PARD3B: variants seen among roughly 807,000 people sequenced by gnomAD.
The protein encoded by PARD3B is partitioning defective 3 homolog B.
A neutral mutation model predicts 130.2 loss-of-function variants in PARD3B; 103 were observed. The observed-to-expected ratio is 0.79, with a 90% CI of 0.67 to 0.93. The LOEUF (loss-of-function observed/expected upper bound fraction) is 0.93. Among genes scored for constraint, PARD3B ranks in the 40% least tolerant of loss-of-function variants. The probability of loss-of-function intolerance (pLI) is 0.00; values close to 1 mark genes in which losing one functional copy is unlikely to be tolerated. For synonymous variants in PARD3B, 583 were observed against 553.2 expected (o/e 1.05, Z -0.76); for missense variants, 1,609 against 1,499.2 (o/e 1.07, Z -1.21).
intron 10 of PARD3B, among the ~76,000 whole-genome samples, chr2:205,127,081 C>T (rs908734481): frequency 2.0e-5 from 3 of 151,646 alleles, no homozygotes; most frequent in Non-Finnish European, 2.9e-5. Context: ...AGGTGGATCA[C>T]CTGAGGTCAG....
chr2:205,363,115 T>C (rs1204996550), intron 18 of PARD3B, among the ~76,000 whole-genome samples: 1 of 152,238 alleles, frequency 6.6e-6, no homozygotes, highest in East Asian at 1.9e-4. Context: ...TAAAATGCTG[T>C]GTTCTCTTCG....
chr2:205,412,932 A>G (rs991669450), intron 19 of PARD3B, among the ~76,000 whole-genome samples: 1 of 152,224 alleles, frequency 6.6e-6, no homozygotes, highest in African/African-American at 2.4e-5. Context: ...GGTATATAAC[A>G]TCATAGGAAT....
chr2:205,446,046 C>T lies in PARD3B; in HGVS notation c.3044+5374C>T, dbSNP rs115162054. On this transcript the variant is annotated intron_variant, in intron 20 of 22. Coordinates refer to ENST00000406610, the MANE Select transcript of PARD3B (RefSeq NM_001302769.2). This position sits in a 1 kb window ranked among gnomAD's most constrained non-coding sequence, Gnocchi z 4.4. ...GAGAACACAGTGTGGAAAGTGCAGC[C>T]GAAGAGTAAGTGCAGGGTACTGTTT... is the stretch of plus-strand genomic sequence containing the variant. Among the ~76,000 whole-genome samples the T allele has an allele frequency of 8.9e-4, 135 of 152,024 alleles. 1 individual carries two copies. The Middle Eastern group carries it at 0.014, about 15-fold the overall frequency.
intron 1 of PARD3B, among the ~76,000 whole-genome samples, chr2:204,680,615 T>A (rs1345973362): frequency 6.6e-6 from 1 of 151,934 alleles, no homozygotes; most frequent in Non-Finnish European, 1.5e-5. Context: ...TTTTGATCAA[T>A]TTTTTTTACT....
At chr2:205,235,355 G>A (rs1380451241) in intron 15 of PARD3B, among the ~76,000 whole-genome samples, 2 of 152,134 alleles carry the variant, frequency 1.3e-5, no homozygotes, top group Non-Finnish European at 2.9e-5. Flanking sequence ...CTGGGAAGTC[G>A]ACGCTGCAGT....
intron 2 of PARD3B, among the ~76,000 whole-genome samples, chr2:204,895,360 A>T (rs2046603688): frequency 6.6e-6 from 1 of 152,118 alleles, no homozygotes; most frequent in Non-Finnish European, 1.5e-5. Flanking sequence ...ACCATGAAAT[A>T]TCTATAACTT....
chr2:205,129,511 G>C (rs1053233180), intron 10 of PARD3B, among the ~76,000 whole-genome samples: 2 of 152,172 alleles, frequency 1.3e-5, no homozygotes, highest in African/African-American at 4.8e-5. Flanking sequence ...TATCATGATT[G>C]ATGTACACAC....
At chr2:204,577,453 C>G (rs1182672225) in intron 1 of PARD3B, among the ~76,000 whole-genome samples, 3 of 152,236 alleles carry the variant, frequency 2.0e-5, no homozygotes, top group African/African-American at 7.2e-5. Flanking sequence ...CCCAGCCTGT[C>G]TGGCTCATGT....
In PARD3B at chr2:205,121,890, C is replaced by T. The variant is rs757557593; in HGVS notation, c.1106C>T (p.Pro369Leu). 4 of 1,613,962 alleles carry T rather than the reference C, an allele frequency of 2.5e-6. No homozygotes were observed. The highest frequency in any genetic ancestry group is 3.3e-5 in the Admixed American group (2 of 60,002). Residue 369 changes from proline (P) to leucine (L), a missense_variant, in exon 8 of 23, where the codon CCT (proline) becomes CTT (leucine). Physicochemically the swap from Pro to Leu is moderately conservative, Grantham distance 98. Coordinates refer to ENST00000406610, the MANE Select transcript of PARD3B (RefSeq NM_001302769.2). This position sits in a 1 kb window ranked among gnomAD's most constrained non-coding sequence, Gnocchi z 5.0. ...AAACCATCCTCTCCCTCACTCTCGC[C>T]TCTCATGGGATTTGGCAGCAATAAA... ...GGKPSSPSLS[P>L]LMGFGSNKNA...
chr2:205,184,123 C>T (rs1027772674), intron 13 of PARD3B, among the ~76,000 whole-genome samples: 8 of 152,132 alleles, frequency 5.3e-5, no homozygotes, highest in African/African-American at 1.7e-4. Context: ...TTAGAGGGGA[C>T]AGTCTACTTA....
At chr2:205,129,319 G>A (rs2031767619) in intron 10 of PARD3B, among the ~76,000 whole-genome samples, 1 of 152,210 alleles carries the variant, frequency 6.6e-6, no homozygotes, top group South Asian at 2.1e-4. Flanking sequence ...CAAGAACCTT[G>A]CAGGAAGTTT....
At chr2:204,900,207 A>G (rs947631179) in intron 2 of PARD3B, among the ~76,000 whole-genome samples, 20 of 152,118 alleles carry the variant, frequency 1.3e-4, no homozygotes, top group African/African-American at 3.6e-4. Context: ...TTCTATCCCT[A>G]TCTCTCTCTT....
chr2:205,234,852 G>A (rs1277031135), intron 15 of PARD3B, among the ~76,000 whole-genome samples: 1 of 151,916 alleles, frequency 6.6e-6, no homozygotes, highest in Non-Finnish European at 1.5e-5. Context: ...TGTCAGCATA[G>A]TAAAATTAAA....
chr2:205,066,578 C>T (rs939292183), intron 4 of PARD3B, among the ~76,000 whole-genome samples: 2 of 152,000 alleles, frequency 1.3e-5, no homozygotes, highest in Non-Finnish European at 1.5e-5. Flanking sequence ...ACTTAACTTA[C>T]CAGGGACAGT....
intron 19 of PARD3B, among the ~76,000 whole-genome samples, chr2:205,429,794 G>C (rs78449840): frequency 0.044 from 6,637 of 152,218 alleles, 154 homozygotes; most frequent in Middle Eastern, 0.061. Flanking sequence ...TTCTCTTACT[G>C]TTCTGGAGAC....
At position 205,302,065 on chromosome 2, in the gene PARD3B, C is replaced by CTTTTTTTTTTTTTTTTTTTTTTTT. The variant is rs3048088; in HGVS notation, c.2630+387_2630+388insTTTTTTTTTTTTTTTTTTTTTTTT. Among the ~76,000 whole-genome samples, 27 of 77,778 alleles carry CTTTTTTTTTTTTTTTTTTTTTTTT rather than the reference C, an allele frequency of 3.5e-4. 3 individuals are homozygous for CTTTTTTTTTTTTTTTTTTTTTTTT. Among genetic ancestry groups the CTTTTTTTTTTTTTTTTTTTTTTTT allele is most frequent in the South Asian group, 1.8e-3 (3 of 1,650 alleles). 51.0% of individuals were successfully genotyped at this position (77,778 alleles called of 152,430 possible). A position where few individuals can be genotyped will look rare whatever the true frequency, so the allele number is the denominator to read the frequency against. On this transcript the variant is annotated intron_variant, in intron 18 of 22. Coordinates refer to ENST00000406610, the MANE Select transcript of PARD3B (RefSeq NM_001302769.2). ...CTATTCTTTTTTTCTTTTTTCTTTT[C>CTTTTTTTTTTTTTTTTTTTTTTTT]TTTTTTTTTTTTTTTTTTTTTTTGA... is the stretch of plus-strand genomic sequence containing the variant.
intron 1 of PARD3B, among the ~76,000 whole-genome samples, chr2:204,685,206 T>G (rs901646578): frequency 3.9e-5 from 6 of 152,198 alleles, no homozygotes; most frequent in Non-Finnish European, 8.8e-5. Flanking sequence ...TCCATCTTTC[T>G]TTTTTAACAA....
intron 4 of PARD3B, among the ~76,000 whole-genome samples, chr2:205,074,970 T>A (rs1700950878): frequency 6.6e-6 from 1 of 152,258 alleles, no homozygotes; most frequent in Non-Finnish European, 1.5e-5. Flanking sequence ...TTAAGTGTTC[T>A]GTAGCTCACT....
chr2:204,954,552 C>G (rs1690071825), intron 2 of PARD3B, among the ~76,000 whole-genome samples: 1 of 152,216 alleles, frequency 6.6e-6, no homozygotes, highest in South Asian at 2.1e-4. Flanking sequence ...AGCTAATTTT[C>G]AGGGGATTGT....
Sources: gnomAD v4.1 joint callset for allele counts (sites outside exome capture counted in the v4.1 genomes callset) on GRCh38, gnomAD v4.1.1 for gene constraint, Gnocchi (gnomAD v3.1) non-coding constraint, MANE v1.5 for transcripts, NCBI Gene and HGNC (gene_info 2026-07-23, HGNC 2026-07-21) for gene names.